The following FBF1 variants were observed in gnomAD, a reference collection of about 807,000 sequenced individuals.
FBF1 encodes the protein Fas binding factor 1.
FBF1 carries 119 observed loss-of-function variants against 147.2 expected under a neutral mutation model. The observed-to-expected ratio is 0.81, with a 90% CI of 0.70 to 0.94. The LOEUF (loss-of-function observed/expected upper bound fraction) is 0.94, where lower values mean the gene tolerates loss of function less well. Ranked by LOEUF, FBF1 falls within the 40% of genes least tolerant of loss-of-function variation. The pLI is 0.00. For missense variants in FBF1, 1,449 were observed against 1,500.8 expected, an observed-to-expected ratio of 0.97 and a Z score of 0.57; for synonymous variants, 601 against 609.0, an observed-to-expected ratio of 0.99 and a Z score of 0.19.
chr17:75,912,078 TC>T, intron 29 of FBF1, 113 bp downstream of exon 29: 1 of 995,086 alleles, frequency 1.0e-6, no homozygotes, highest in Non-Finnish European at 1.5e-6. Context: ...GCAGTTTTAC[TC>T]CCCAGGAGCT....
In FBF1 at chr17:75,933,104, A is replaced by T; in HGVS notation, c.74-16T>A. ...GGTAGTGTCACTGGAAAAAAAGAAA[A>T]GAGAAAACGTGTCATTTAACTAAAG... is the stretch of plus-strand genomic sequence containing the variant. On this transcript the variant is annotated splice_polypyrimidine_tract_variant and intron_variant, in intron 4 of 29. Coordinates refer to ENST00000636174, the MANE Select transcript of FBF1 (RefSeq NM_001319193.2). 1 of 1,585,864 alleles carries T rather than the reference A, an allele frequency of 6.3e-7. No homozygotes were observed. Among genetic ancestry groups the T allele is most frequent in the Non-Finnish European group, 8.6e-7 (1 of 1,158,566 alleles).
chr17:75,935,586 A>G (rs2144196634), intron 4 of FBF1, 46 bp downstream of exon 4: 1 of 1,523,830 alleles, frequency 6.6e-7, no homozygotes, highest in Non-Finnish European at 8.8e-7. Flanking sequence ...AAAAAAAAGC[A>G]ACAGCAGCAG....
At position 75,926,421 on chromosome 17, in the gene FBF1, A is replaced by C; in HGVS notation, c.601T>G (p.Ser201Ala). Residue 201 changes from serine to alanine, a missense_variant, in exon 11 of 30, where the codon TCT (serine) becomes GCT (alanine). Transcript: ENST00000636174. ...GTGTCCCCAGGAGTTAGAGGAATAG[A>C]GGGACCTGAAAGACAAAACAAGGCC... ...SPSTVRDQGP[S>A]IPLTPGDTPI... is the part of the protein sequence containing the mutation. 1 of 1,564,454 alleles carries C rather than the reference A, an allele frequency of 6.4e-7. No individual in the cohort carries two copies. Among genetic ancestry groups the C allele is most frequent in the South Asian group, 1.2e-5 (1 of 81,950 alleles).
chr17:75,929,945 A>ACGGGG, intron 7 of FBF1, 52 bp downstream of exon 7: 13 of 650,876 alleles, frequency 2.0e-5, no homozygotes, highest in East Asian at 2.8e-5. Flanking sequence ...AAATATCATG[A>ACGGGG]CCCCACCCCA....
chr17:75,912,163 A>G (rs1229552316), intron 29 of FBF1, 29 bp downstream of exon 29: 2 of 1,576,136 alleles, frequency 1.3e-6, no homozygotes, highest in South Asian at 1.2e-5. Flanking sequence ...TCGTGAACAC[A>G]AGGATCCCCA....
In FBF1 at chr17:75,920,411, G is replaced by T; in HGVS notation, c.1693C>A (p.Leu565Met). The T allele has an allele frequency of 6.2e-7, 1 of 1,607,530 alleles. No individual in the cohort carries two copies. The highest frequency in any genetic ancestry group is 8.5e-7 in the Non-Finnish European group (1 of 1,177,534). ...VPVQPLLPESLARSLLPSTEY... is the reference protein window; with the variant it reads ...VPVQPLLPESMARSLLPSTEY... Reference sequence around the variant, plus strand: ...GTGCTCGGCAGCAGGCTCCGGGCCAGGGACTCTGGGAGCAGGGGCTGGAGG... The same window carrying T: ...GTGCTCGGCAGCAGGCTCCGGGCCATGGACTCTGGGAGCAGGGGCTGGAGG... Residue 565 changes from leucine (L) to methionine (M), a missense_variant, in exon 18 of 30, where the codon CTG (leucine) becomes ATG (methionine). Coordinates refer to ENST00000636174, the MANE Select transcript of FBF1 (RefSeq NM_001319193.2).
chr17:75,917,589 G>T, intron 23 of FBF1, 143 bp downstream of exon 23: 1 of 748,740 alleles, frequency 1.3e-6, no homozygotes, highest in Non-Finnish European at 2.1e-6. Context: ...GCCAGGGCAG[G>T]GAGATGTAGA....
In FBF1 at chr17:75,922,894, A is replaced by G. The variant is rs969093515; in HGVS notation, c.1424+292T>C. ...CAGCGGTGTGTCTGCCACCTCAGGG[A>G]CCCTCTGTCTTCTCCTCGATCAAGT... On this transcript the variant is annotated intron_variant, in intron 14 of 29. Transcript: ENST00000636174. The surrounding 1 kb of genome is among the most constrained non-coding windows in gnomAD (Gnocchi z 5.0). Among the ~76,000 whole-genome samples, 2 of 152,066 alleles carry G rather than the reference A, an allele frequency of 1.3e-5. No homozygotes were observed. Among genetic ancestry groups the G allele is most frequent in the Non-Finnish European group, 2.9e-5 (2 of 68,004 alleles).
chr17:75,932,163 C>CTTGGTGGCCAAGGTGGG (rs1567863645), intron 5 of FBF1, among the ~76,000 whole-genome samples: 1 of 152,090 alleles, frequency 6.6e-6, no homozygotes, highest in Non-Finnish European at 1.5e-5. Flanking sequence ...GGCAGATCAC[C>CTTGGTGGCCAAGGTGGG]TGAGATCAGG....
Position 75,910,568 on chromosome 17 carries a change from G to C in FBF1, c.*155C>G. Reference sequence around the variant, plus strand: ...GGGCTGCCCCGGGCTGGCACATTTGGAAAGGATGCACTTGCACCCTGTCCA... The same window carrying C: ...GGGCTGCCCCGGGCTGGCACATTTGCAAAGGATGCACTTGCACCCTGTCCA... On this transcript the variant is annotated 3_prime_UTR_variant, in exon 30 of 30. Coordinates refer to ENST00000636174, the MANE Select transcript of FBF1 (RefSeq NM_001319193.2). This position sits in a 1 kb window ranked among gnomAD's most constrained non-coding sequence, Gnocchi z 4.1. 3.0e-6 allele frequency: 2 copies of C among 655,864 alleles called. No individual in the cohort carries two copies. Among genetic ancestry groups the C allele is most frequent in the Non-Finnish European group, 5.2e-6 (2 of 384,646 alleles). The allele number at this position is 655,864 out of a possible 1,614,324, so 40.6% of individuals were successfully genotyped here.
In FBF1 at chr17:75,928,145, A is replaced by G. The variant is rs187620152; in HGVS notation, c.328T>C (p.Ser110Pro). ...ADILGLKKSN[S>P]APSKKAAKDP... is the part of the protein sequence containing the mutation. ...TTTGCAGCTTTTTTGCTAGGGGCTG[A>G]ATTAGATTTCTTCAGACCTAAGATA... Residue 110 changes from serine (S) to proline (P), a missense_variant, in exon 8 of 30, where the codon TCA becomes CCA. Ser to Pro is a moderately conservative substitution (Grantham distance 74, BLOSUM62 -1). Coordinates refer to ENST00000636174, the MANE Select transcript of FBF1 (RefSeq NM_001319193.2). The surrounding 1 kb of genome is among the most constrained non-coding windows in gnomAD (Gnocchi z 4.2). 15 of 1,613,854 alleles carry G rather than the reference A, an allele frequency of 9.3e-6. No homozygotes were observed. Among genetic ancestry groups the G allele is most frequent in the Middle Eastern group, 1.7e-4 (1 of 6,038 alleles).
chr17:75,937,864 G>A (rs1344958736), intron 2 of FBF1: 3 of 626,194 alleles, frequency 4.8e-6, no homozygotes, highest in Admixed American at 5.5e-5. Flanking sequence ...CCTCCCAGCC[G>A]AGATGTCATG....
rs2065564665 is a variant in FBF1 at position 75,926,794 on chromosome 17, C to T, written c.559G>A (p.Ala187Thr). 19 of 1,613,940 alleles carry T rather than the reference C, an allele frequency of 1.2e-5. No homozygotes were observed. The highest frequency in any genetic ancestry group is 1.6e-5 in the Non-Finnish European group (19 of 1,179,868). ...ACTGTGCTGGGGCTCTTGTCAGAAG[C>T]TGTTTTACTCTGTGTCACAGGCGGC... ...KQPPVTQSKT[A>T]SDKSPSTVRD... The change falls in exon 10 of 30, where the codon GCT becomes ACT. Residue 187 changes from alanine to threonine, a missense_variant. Transcript: ENST00000636174.
intron 25 of FBF1, 47 bp from the exon 26 acceptor site, chr17:75,914,345 C>T: frequency 6.4e-7 from 1 of 1,553,352 alleles, no homozygotes. Flanking sequence ...AGGAATTGCG[C>T]TGCACTCTGT....
intron 9 of FBF1, 143 bp from the exon 10 acceptor site, chr17:75,927,020 C>T: frequency 8.4e-7 from 1 of 1,196,482 alleles, no homozygotes; most frequent in Non-Finnish European, 1.2e-6. Context: ...AGGGTGGGGC[C>T]TGGGGCAACG....
At chr17:75,916,545 A>C (rs1339515699) in intron 23 of FBF1, among the ~76,000 whole-genome samples, 1 of 151,928 alleles carries the variant, frequency 6.6e-6, no homozygotes, top group Non-Finnish European at 1.5e-5. Flanking sequence ...GCTTAAGCCA[A>C]GGAGGTCAGG....
Position 75,921,554 on chromosome 17 carries a change from A to T in FBF1, c.1533T>A (p.Pro511=). 6.5e-7 allele frequency: 1 copy of T among 1,547,396 alleles called. No individual in the cohort carries two copies. Among genetic ancestry groups the T allele is most frequent in the East Asian group, 2.5e-5 (1 of 39,568 alleles). Residue 511 remains proline, a synonymous_variant, in exon 16 of 30, where the codon CCT becomes CCA. Coordinates refer to ENST00000636174, the MANE Select transcript of FBF1 (RefSeq NM_001319193.2). ...PCVRPGVSGS[P]VTQNHAASAL... is the part of the protein sequence containing the mutation. ...CTGAGGCGGCATGGTTCTGAGTCACAGGGGACCTGAGGACACAGGGATGGG... is the reference window on the plus strand; with the variant it reads ...CTGAGGCGGCATGGTTCTGAGTCACTGGGGACCTGAGGACACAGGGATGGG...
rs1452155255 is a variant in FBF1, at chr17:75,921,978, C to T, written c.1493G>A (p.Arg498Gln). Residue 498 changes from arginine (R) to glutamine (Q), a missense_variant, in exon 15 of 30, where the codon CGA becomes CAA. Coordinates refer to ENST00000636174, the MANE Select transcript of FBF1 (RefSeq NM_001319193.2). ...AAGGSSGTTA[R>Q]ERPCVRPGVS... ...ACCAGGCCTGACACACGGTCTTTCTCGTGCAGTTGTTCCAGAACTCCCTCC... is the reference window on the plus strand; with the variant it reads ...ACCAGGCCTGACACACGGTCTTTCTTGTGCAGTTGTTCCAGAACTCCCTCC... 24 of 1,551,460 alleles carry T rather than the reference C, an allele frequency of 1.5e-5. No homozygotes were observed. The South Asian group carries it at 1.5e-4, about 10-fold the overall frequency.
intron 4 of FBF1, among the ~76,000 whole-genome samples, chr17:75,933,834 G>T (rs2065608352): frequency 6.6e-6 from 1 of 152,122 alleles, no homozygotes; most frequent in South Asian, 2.1e-4. Flanking sequence ...AGTCATTAGG[G>T]AAATGCACAT....
Sources: gnomAD v4.1 joint callset for allele counts (sites outside exome capture counted in the v4.1 genomes callset) on GRCh38, gnomAD v4.1.1 for gene constraint, Gnocchi (gnomAD v3.1) non-coding constraint, MANE v1.5 for transcripts, NCBI Gene and HGNC (gene_info 2026-07-23, HGNC 2026-07-21) for gene names.